STRN: variants seen among roughly 807,000 people sequenced by gnomAD.
STRN encodes the protein protein phosphatase 2 regulatory subunit B'''alpha.
In STRN, 53 loss-of-function variants were observed where a neutral mutation model predicts 96.3. The ratio of observed to expected loss-of-function variants is 0.55; its 90% CI spans 0.44 to 0.69. The LOEUF (loss-of-function observed/expected upper bound fraction) is 0.69, where lower values mean the gene tolerates loss of function less well. Among genes scored for constraint, STRN ranks in the 30% least tolerant of loss-of-function variants. The probability of loss-of-function intolerance (pLI) is 0.00; values close to 1 mark genes in which losing one functional copy is unlikely to be tolerated. For missense variants in STRN, 987 were observed against 963.9 expected (o/e 1.02, Z -0.32); for synonymous variants, 428 against 355.9 (o/e 1.20, Z -2.28).
chr2:36,866,256 G>A (rs1261701215), intron 12 of STRN, among the ~76,000 whole-genome samples: 1 of 151,994 alleles, frequency 6.6e-6, no homozygotes, highest in Non-Finnish European at 1.5e-5. Context: ...TGTAGAGATG[G>A]GGTTCTGCCA....
intron 13 of STRN, among the ~76,000 whole-genome samples, chr2:36,858,239 C>G (rs1031350198): frequency 1.3e-5 from 2 of 152,048 alleles, no homozygotes; most frequent in Non-Finnish European, 1.5e-5. Context: ...AATTTAAAAG[C>G]ACGTATTTTT....
At chr2:36,943,296 T>A (rs1363810788) in intron 1 of STRN, among the ~76,000 whole-genome samples, 1 of 151,878 alleles carries the variant, frequency 6.6e-6, no homozygotes, top group East Asian at 1.9e-4. Context: ...TGAATTCCCT[T>A]CTCAACTTTC....
Position 36,855,287 on chromosome 2 carries a change from T to G in STRN, c.1903A>C (p.Ser635Arg). The change falls in exon 15 of 18, where the codon AGC (serine) becomes CGC (arginine). Residue 635 changes from serine (S) to arginine (R), a missense_variant. Coordinates refer to ENST00000263918, the MANE Select transcript of STRN (RefSeq NM_003162.4). ...TTAAAAATGCTTGTATATCCCTTGC[T>G]GAATGATGCTACCATATGGCTCGGG... ...SDPSHMVASF[S>R]KGYTSIFNME... 1 of 1,614,026 alleles carries G rather than the reference T, an allele frequency of 6.2e-7. No individual in the cohort carries two copies. Among genetic ancestry groups the G allele is most frequent in the Non-Finnish European group, 8.5e-7 (1 of 1,179,880 alleles).
chr2:36,912,307 C>T (rs1669982817), intron 3 of STRN, among the ~76,000 whole-genome samples: 1 of 152,168 alleles, frequency 6.6e-6, no homozygotes, highest in South Asian at 2.1e-4. Context: ...AGCTATTGCC[C>T]TCTAATCTCT....
chr2:36,889,915 G>T (rs1407820796), intron 7 of STRN, among the ~76,000 whole-genome samples: 1 of 152,112 alleles, frequency 6.6e-6, no homozygotes, highest in East Asian at 1.9e-4. Flanking sequence ...CATATAATAG[G>T]CTAGGTAAAA....
At chr2:36,947,967 T>G (rs564539701) in intron 1 of STRN, among the ~76,000 whole-genome samples, 106 of 152,140 alleles carry the variant, frequency 7.0e-4, no homozygotes, top group African/African-American at 2.5e-3. Context: ...AGTACTACTT[T>G]GGCTAATTTT....
intron 3 of STRN, among the ~76,000 whole-genome samples, chr2:36,907,411 T>C (rs1400206936): frequency 2.6e-5 from 4 of 152,024 alleles, no homozygotes; most frequent in Non-Finnish European, 5.9e-5. Flanking sequence ...TAGCCAGGCG[T>C]GGTGGCACAT....
chr2:36,950,286 G>C (rs1466226636), intron 1 of STRN, among the ~76,000 whole-genome samples: 1 of 147,734 alleles, frequency 6.8e-6, no homozygotes, highest in Non-Finnish European at 1.5e-5. Flanking sequence ...CTTGATCTCG[G>C]CTCACCGCAA....
At chr2:36,860,199 A>C (rs1415372414) in intron 13 of STRN, among the ~76,000 whole-genome samples, 1 of 152,204 alleles carries the variant, frequency 6.6e-6, no homozygotes, top group Non-Finnish European at 1.5e-5. Context: ...TGCAGTCGCA[A>C]AGAGACAGAG....
intron 6 of STRN, among the ~76,000 whole-genome samples, chr2:36,898,111 T>C (rs1400141638): frequency 6.6e-6 from 1 of 152,192 alleles, no homozygotes; most frequent in Admixed American, 6.5e-5. Context: ...GTTTTAATAA[T>C]TAGTTTATAA....
At chr2:36,931,041 AG>A (rs1403849204) in intron 1 of STRN, among the ~76,000 whole-genome samples, 1 of 151,936 alleles carries the variant, frequency 6.6e-6, no homozygotes, top group Non-Finnish European at 1.5e-5. Context: ...AAAAAAAAAA[AG>A]AAAAAGAAAG....
intron 9 of STRN, among the ~76,000 whole-genome samples, chr2:36,881,952 C>T (rs571049295): frequency 1.3e-4 from 20 of 152,238 alleles, no homozygotes; most frequent in African/African-American, 3.9e-4. Context: ...ATCAACATAC[C>T]TACTAAGGAC....
chr2:36,843,325 C>A lies in STRN; in HGVS notation c.*6131G>T, dbSNP rs1321995152. Among the ~76,000 whole-genome samples the A allele has an allele frequency of 6.6e-6, 1 of 152,038 alleles. No homozygotes were observed. The highest frequency in any genetic ancestry group is 1.5e-5 in the Non-Finnish European group (1 of 68,020). Reference sequence around the variant, plus strand: ...GAACAAAAAGACTGTGAGTTCTGGGCAGGCCAAAGGCCTTGAAAAATAATG... The same window carrying A: ...GAACAAAAAGACTGTGAGTTCTGGGAAGGCCAAAGGCCTTGAAAAATAATG... On this transcript the variant is annotated 3_prime_UTR_variant, in exon 18 of 18. Coordinates refer to ENST00000263918, the MANE Select transcript of STRN (RefSeq NM_003162.4).
At chr2:36,897,853 T>C (rs1010056786) in intron 6 of STRN, among the ~76,000 whole-genome samples, 1 of 152,052 alleles carries the variant, frequency 6.6e-6, no homozygotes, top group Non-Finnish European at 1.5e-5. Flanking sequence ...ACATGGCTAA[T>C]TAAAAAAAAA....
chr2:36,867,795 A>T lies in STRN; in HGVS notation c.1547+19T>A. ...TTACAGAGATATCGGTTTAAAATAA[A>T]GAAAAAACATATACTTACTTATGGG... On this transcript the variant is annotated intron_variant, in intron 12 of 17. Transcript: ENST00000263918. 1 of 1,500,920 alleles carries T rather than the reference A, an allele frequency of 6.7e-7. No homozygotes were observed. Among genetic ancestry groups the T allele is most frequent in the Non-Finnish European group, 9.0e-7 (1 of 1,111,748 alleles). The allele number at this position is 1,500,920 out of a possible 1,614,324, so 93.0% of individuals were successfully genotyped here.
At chr2:36,959,938 G>A (rs1367138814) in intron 1 of STRN, among the ~76,000 whole-genome samples, 2 of 152,114 alleles carry the variant, frequency 1.3e-5, no homozygotes, top group Non-Finnish European at 2.9e-5. Flanking sequence ...TAAGATTATA[G>A]CTAAGGTTGA....
intron 3 of STRN, among the ~76,000 whole-genome samples, chr2:36,915,274 A>ATATATATATATAG (rs1274039251): frequency 1.0e-5 from 1 of 96,658 alleles, no homozygotes; most frequent in Non-Finnish European, 2.4e-5. Flanking sequence ...TATATATATA[A>ATATATATATATAG]AGCCTCTAGC....
intron 9 of STRN, among the ~76,000 whole-genome samples, chr2:36,878,522 T>C (rs561334740): frequency 4.6e-5 from 7 of 152,190 alleles, no homozygotes; most frequent in Non-Finnish European, 1.0e-4. Flanking sequence ...GCGTTATAAG[T>C]CAGGATTACC....
chr2:36,854,681 C>T (rs1558622192), intron 15 of STRN, among the ~76,000 whole-genome samples: 3 of 152,196 alleles, frequency 2.0e-5, no homozygotes, highest in African/African-American at 4.8e-5. Context: ...TTATGGCTAA[C>T]GACAGAAAGC....
Sources: allele counts gnomAD v4.1 joint callset (sites outside exome capture counted in the v4.1 genomes callset), GRCh38; gene constraint gnomAD v4.1.1; transcripts MANE v1.5; gene names NCBI Gene and HGNC (gene_info 2026-07-23, HGNC 2026-07-21).